MPP3: variants seen among roughly 807,000 people sequenced by gnomAD.
The protein encoded by MPP3 is MAGUK p55 scaffold protein 3.
Under a neutral mutation model 80.7 loss-of-function variants are expected in MPP3, and 48 were observed. The ratio of observed to expected loss-of-function variants is 0.59; its 90% confidence interval spans 0.47 to 0.76. MPP3 has a LOEUF of 0.76. Ranked by LOEUF, MPP3 falls within the 30% of genes least tolerant of loss-of-function variation. The pLI is 0.00. For missense variants in MPP3, 620 were observed against 763.0 expected (o/e 0.81, Z 2.21); for synonymous variants, 311 against 297.6 (o/e 1.04, Z -0.46).
In MPP3 at chr17:43,810,824, CCAAA is replaced by C. The variant is rs781169560; in HGVS notation, c.1437_1440del (p.Cys479TrpfsTer9). 3 of 1,608,020 alleles carry C rather than the reference CCAAA, an allele frequency of 1.9e-6. No homozygotes were observed. The highest frequency in any genetic ancestry group is 4.5e-5 in the East Asian group (2 of 44,866). On this transcript the variant is annotated frameshift_variant, in exon 18 of 20. Transcript: ENST00000398389. LOFTEE classifies it high-confidence loss of function. ...CAACTCACTTCTGGCTCCACATCCA[CCAAA>C]CAAACTTTGTTTTTGGCCATAACAG...
intron 19 of MPP3, among the ~76,000 whole-genome samples, chr17:43,804,428 A>G (rs916055789): frequency 2.0e-5 from 3 of 152,194 alleles, no homozygotes; most frequent in Non-Finnish European, 4.4e-5. Context: ...AGGGTGTTAA[A>G]ATAATTAAAT....
At position 43,833,103 on chromosome 17, in the gene MPP3, C is replaced by A. The variant is rs1248419160; in HGVS notation, c.-99G>T. 6.6e-6 allele frequency: 1 copy of A among 151,830 alleles called. No individual in the cohort carries two copies. The highest frequency in any genetic ancestry group is 1.5e-5 in the Non-Finnish European group (1 of 67,934). 9.4% of individuals were successfully genotyped at this position (151,830 alleles called of 1,614,324 possible). On this transcript the variant is annotated splice_region_variant and 5_prime_UTR_variant, in exon 1 of 20. Coordinates refer to ENST00000398389, the MANE Select transcript of MPP3 (RefSeq NM_001932.6). ...CCGTTCCCCTCGCGGCCTCCTACCT[C>A]GTCGCGCCGGGATGTGTGCTCCGCG...
chr17:43,829,634 G>C lies in MPP3; in HGVS notation c.441+20C>G. On this transcript the variant is annotated intron_variant, in intron 7 of 19. Coordinates refer to ENST00000398389, the MANE Select transcript of MPP3 (RefSeq NM_001932.6). ...GGCAGGGGAAGAGTGGGTTAGAGAG[G>C]GGCAGGCAGCAGCACCTACCAGGGG... is the stretch of plus-strand genomic sequence containing the variant. The C allele has an allele frequency of 6.8e-6, 11 of 1,612,054 alleles. No homozygotes were observed. The highest frequency in any genetic ancestry group is 8.5e-6 in the Non-Finnish European group (10 of 1,179,658).
intron 10 of MPP3, among the ~76,000 whole-genome samples, chr17:43,823,645 G>C (rs2045563650): frequency 1.3e-5 from 2 of 152,124 alleles, no homozygotes. Flanking sequence ...CAGCACACTT[G>C]GTACCTTCTC....
At chr17:43,819,643 G>A (rs575732239) in intron 11 of MPP3, among the ~76,000 whole-genome samples, 3 of 152,246 alleles carry the variant, frequency 2.0e-5, no homozygotes, top group East Asian at 1.9e-4. Context: ...ACAGCAGCCC[G>A]CAAGATGCCA....
chr17:43,810,910 A>G lies in MPP3; in HGVS notation c.1355T>C (p.Leu452Pro). 1 of 1,602,530 alleles carries G rather than the reference A, an allele frequency of 6.2e-7. No individual in the cohort carries two copies. Among genetic ancestry groups the G allele is most frequent in the Non-Finnish European group, 8.5e-7 (1 of 1,176,284 alleles). ...ATTTTCCTTATATTCACCATGTTCC[A>G]GGAACCTAAAACACCACCAAAGGGG... ...FEADLHHNKF[L>P]EHGEYKENLY... The change falls in exon 18 of 20, where the codon CTG (leucine) becomes CCG (proline). Residue 452 changes from leucine to proline, a missense_variant. Physicochemically the swap from Leu to Pro is moderately conservative, Grantham distance 98. Coordinates refer to ENST00000398389, the MANE Select transcript of MPP3 (RefSeq NM_001932.6).
At chr17:43,829,935 G>T in intron 6 of MPP3, 92 bp downstream of exon 6, 1 of 1,547,474 alleles carries the variant, frequency 6.5e-7, no homozygotes, top group Non-Finnish European at 8.9e-7. Flanking sequence ...CGCTCCCTCA[G>T]TCTCCACTCC....
At position 43,811,181 on chromosome 17, in the gene MPP3, T is replaced by A; in HGVS notation, c.1280A>T (p.His427Leu). 6.2e-7 allele frequency: 1 copy of A among 1,614,122 alleles called. No individual in the cohort carries two copies. Among genetic ancestry groups the A allele is most frequent in the Non-Finnish European group, 8.5e-7 (1 of 1,179,944 alleles). The change falls in exon 17 of 20, where the codon CAT becomes CTT. Residue 427 changes from histidine (H) to leucine (L), a missense_variant. Coordinates refer to ENST00000398389, the MANE Select transcript of MPP3 (RefSeq NM_001932.6). Reference sequence around the variant, plus strand: ...GTGATATTCCACTCCTTCCTTCTCATGGCTCTTTCGGGGCCTGGTGGTATC... The same window carrying A: ...GTGATATTCCACTCCTTCCTTCTCAAGGCTCTTTCGGGGCCTGGTGGTATC... ...VPHTTRPRKSHEKEGVEYHFV... is the reference protein window; with the variant it reads ...VPHTTRPRKSLEKEGVEYHFV...
At chr17:43,804,669 CAAAAG>C (rs754910971) in intron 19 of MPP3, among the ~76,000 whole-genome samples, 10 of 151,978 alleles carry the variant, frequency 6.6e-5, no homozygotes, top group Non-Finnish European at 1.3e-4. Flanking sequence ...ATATAAATGA[CAAAAG>C]AAAAAATAGA....
chr17:43,801,924 T>C, intron 19 of MPP3, 47 bp from the exon 20 acceptor site: 1 of 1,574,500 alleles, frequency 6.4e-7, no homozygotes, highest in Non-Finnish European at 8.6e-7. Context: ...TGTTCTCCTA[T>C]AACAAACCTA....
chr17:43,806,884 A>T (rs1165561649), intron 19 of MPP3, among the ~76,000 whole-genome samples: 1 of 152,170 alleles, frequency 6.6e-6, no homozygotes, highest in Non-Finnish European at 1.5e-5. Flanking sequence ...TTGGGATTAC[A>T]GGTGTGAGCC....
rs17742683 is a variant in MPP3, at chr17:43,801,706, T to C, written c.1753A>G (p.Arg585Gly). The change falls in exon 20 of 20, where the codon AGG (arginine) becomes GGG (glycine). Residue 585 changes from arginine to glycine, a missense_variant. Coordinates refer to ENST00000398389, the MANE Select transcript of MPP3 (RefSeq NM_001932.6). ...TTGGATGTTCTGGGATAAAGTTACC[T>C]GACCCAACTAACAGGTACCCAGTGA... The part of the protein sequence containing the change: ...DTHWVPVSWV[R>G] 0.096 allele frequency: 155,054 copies of C among 1,613,846 alleles called. 8,114 individuals are homozygous for C. The highest frequency in any genetic ancestry group is 0.12 in the South Asian group (10,664 of 91,050).
intron 6 of MPP3, 84 bp downstream of exon 6, chr17:43,829,943 T>C (rs2045886140): frequency 4.5e-6 from 7 of 1,549,896 alleles, no homozygotes; most frequent in Non-Finnish European, 6.2e-6. Context: ...CAGTCTCCAC[T>C]CCTCAGCCTC....
chr17:43,817,164 C>T (rs1248895757), intron 12 of MPP3, among the ~76,000 whole-genome samples: 1 of 152,130 alleles, frequency 6.6e-6, no homozygotes, highest in Non-Finnish European at 1.5e-5. Context: ...CTGCTCAGGC[C>T]GCTCACTCGG....
chr17:43,822,586 C>A (rs1362552598), intron 10 of MPP3, among the ~76,000 whole-genome samples: 1 of 149,722 alleles, frequency 6.7e-6, no homozygotes, highest in Non-Finnish European at 1.5e-5. Context: ...ACCAGGCCTC[C>A]CTGCCTCCAA....
In MPP3 at chr17:43,811,092, T is replaced by C; in HGVS notation, c.1349+20A>G. On this transcript the variant is annotated intron_variant, in intron 17 of 19. Coordinates refer to ENST00000398389, the MANE Select transcript of MPP3 (RefSeq NM_001932.6). ...ACACACAACTGCCTGGAGGGCCAAC[T>C]GGCCCATCAAGCAACGTACTTGTTG... The C allele has an allele frequency of 1.9e-6, 3 of 1,606,330 alleles. No individual in the cohort carries two copies. The highest frequency in any genetic ancestry group is 2.6e-6 in the Non-Finnish European group (3 of 1,172,836).
In MPP3 at chr17:43,803,424, C is replaced by T. The variant is rs189158264; in HGVS notation, c.1582-1547G>A. ...CCTGAACTCCTTTCCTGGCCTGTAA[C>T]GATGGAACTCGCCCACCTGTGTCTT... On this transcript the variant is annotated intron_variant, in intron 19 of 19. Coordinates refer to ENST00000398389, the MANE Select transcript of MPP3 (RefSeq NM_001932.6). Among the ~76,000 whole-genome samples, 90 of 152,266 alleles carry T rather than the reference C, an allele frequency of 5.9e-4. No individual in the cohort carries two copies. The East Asian group carries it at 0.015, about 25-fold the overall frequency.
At chr17:43,809,796 G>A (rs568035800) in intron 18 of MPP3, among the ~76,000 whole-genome samples, 8 of 152,054 alleles carry the variant, frequency 5.3e-5, no homozygotes, top group Admixed American at 1.3e-4. Context: ...AGAGAATGGC[G>A]TGAACCCGGG....
intron 10 of MPP3, among the ~76,000 whole-genome samples, chr17:43,822,135 C>T (rs1017180054): frequency 2.6e-5 from 4 of 152,176 alleles, no homozygotes; most frequent in East Asian, 3.9e-4. Flanking sequence ...GGACCACATT[C>T]GCTTGTCCTA....
Sources: gnomAD v4.1 joint callset for allele counts (sites outside exome capture counted in the v4.1 genomes callset) on GRCh38, gnomAD v4.1.1 for gene constraint, MANE v1.5 for transcripts, NCBI Gene and HGNC (gene_info 2026-07-23, HGNC 2026-07-21) for gene names.